RYR2: variants seen among roughly 807,000 people sequenced by gnomAD.
The protein encoded by RYR2 is cardiac muscle ryanodine receptor-calcium release channel.
Under a neutral mutation model 601.1 loss-of-function variants are expected in RYR2, and 227 were observed. The ratio of observed to expected loss-of-function variants is 0.38; its 90% CI spans 0.34 to 0.42. The LOEUF is 0.42. Ranked by LOEUF, RYR2 falls within the 10% of genes least tolerant of loss-of-function variation. The pLI is 1.00. For missense variants in RYR2, 4,646 were observed against 6,156.5 expected, an observed-to-expected ratio of 0.75 and a Z score of 8.21; for synonymous variants, 2,223 against 2,175.1, an observed-to-expected ratio of 1.02 and a Z score of -0.61.
intron 16 of RYR2, among the ~76,000 whole-genome samples, chr1:237,463,833 A>G (rs1303732600): frequency 6.6e-6 from 1 of 152,184 alleles, no homozygotes; most frequent in African/African-American, 2.4e-5. Flanking sequence ...GCTCTGAGAC[A>G]TCTCATAATG....
intron 6 of RYR2, among the ~76,000 whole-genome samples, chr1:237,371,458 G>T (rs948229483): frequency 6.6e-6 from 1 of 152,112 alleles, no homozygotes; most frequent in East Asian, 1.9e-4. Context: ...TGCCCGGCAT[G>T]ATTTTCTTTT....
At chr1:237,803,515 T>A (rs957089115) in intron 98 of RYR2, among the ~76,000 whole-genome samples, 6 of 152,066 alleles carry the variant, frequency 3.9e-5, no homozygotes, top group Admixed American at 6.5e-5. Flanking sequence ...TTAGCCAGGA[T>A]GGTCTCGATC....
chr1:237,094,436 G>A (rs1000266232), intron 1 of RYR2, among the ~76,000 whole-genome samples: 4 of 151,966 alleles, frequency 2.6e-5, no homozygotes, highest in South Asian at 4.1e-4. Context: ...TTTTTGGGAC[G>A]GGCAGGGAGG....
chr1:237,657,977 T>C lies in RYR2; in HGVS notation c.8163T>C (p.Ile2721=). ...TTCCTGAGAAATTGGAATACTTCATTAACAAATATGCAGAACACTCCCATG... is the reference window on the plus strand; with the variant it reads ...TTCCTGAGAAATTGGAATACTTCATCAACAAATATGCAGAACACTCCCATG... ...ITIPEKLEYF[I]NKYAEHSHDK... Residue 2721 remains isoleucine, a synonymous_variant, in exon 54 of 105, where the codon ATT becomes ATC. Transcript: ENST00000366574. 1 of 1,519,856 alleles carries C rather than the reference T, an allele frequency of 6.6e-7. No individual in the cohort carries two copies. Among genetic ancestry groups the C allele is most frequent in the South Asian group, 1.3e-5 (1 of 78,476 alleles). 94.1% of individuals were successfully genotyped at this position (1,519,856 alleles called of 1,614,324 possible). A position where few individuals can be genotyped will look rare whatever the true frequency, so the allele number is the denominator to read the frequency against.
chr1:237,599,086 A>G (rs190972954), intron 34 of RYR2, among the ~76,000 whole-genome samples: 1 of 152,332 alleles, frequency 6.6e-6, no homozygotes, highest in Admixed American at 6.5e-5. Context: ...ACTTATGAAG[A>G]AATAGAAAAT....
At chr1:237,398,676 T>G in intron 10 of RYR2, among the ~76,000 whole-genome samples, 1 of 152,170 alleles carries the variant, frequency 6.6e-6, no homozygotes, top group Non-Finnish European at 1.5e-5. Context: ...TGGAAAACAT[T>G]TTGGCAGTTT....
intron 1 of RYR2, among the ~76,000 whole-genome samples, chr1:237,186,727 T>A (rs1679379031): frequency 6.6e-6 from 1 of 152,196 alleles, no homozygotes; most frequent in Non-Finnish European, 1.5e-5. Context: ...AGAAATCCCA[T>A]CATCTTGATT....
At chr1:237,330,615 T>G (rs1027868238) in intron 2 of RYR2, among the ~76,000 whole-genome samples, 7 of 152,210 alleles carry the variant, frequency 4.6e-5, no homozygotes, top group African/African-American at 1.7e-4. Context: ...CTCAAACTCC[T>G]GACCTCAGGT....
At chr1:237,058,433 T>C (rs1662437368) in intron 1 of RYR2, among the ~76,000 whole-genome samples, 1 of 151,802 alleles carries the variant, frequency 6.6e-6, no homozygotes, top group Non-Finnish European at 1.5e-5. Context: ...TGCAAAGCAC[T>C]GTCTTTCAAA....
At chr1:237,218,760 T>C (rs1165525624) in intron 1 of RYR2, among the ~76,000 whole-genome samples, 1 of 152,016 alleles carries the variant, frequency 6.6e-6, no homozygotes, top group African/African-American at 2.4e-5. Context: ...AGGGTTGGGC[T>C]CCCCTCATAC....
At chr1:237,776,921 A>G (rs1694711242) in intron 87 of RYR2, among the ~76,000 whole-genome samples, 1 of 152,178 alleles carries the variant, frequency 6.6e-6, no homozygotes. Context: ...GGTGGCCCCC[A>G]TCCACCTTGG....
At chr1:237,760,069 T>C (rs1693291244) in intron 83 of RYR2, among the ~76,000 whole-genome samples, 1 of 151,736 alleles carries the variant, frequency 6.6e-6, no homozygotes, top group South Asian at 2.1e-4. Context: ...TGTCTTAAAA[T>C]AGCTTTCCCA....
intron 1 of RYR2, among the ~76,000 whole-genome samples, chr1:237,256,787 G>A (rs190975081): frequency 2.6e-5 from 4 of 152,228 alleles, no homozygotes; most frequent in Non-Finnish European, 5.9e-5. Context: ...AAGTGAGAAC[G>A]GTCGCTTTCT....
intron 24 of RYR2, among the ~76,000 whole-genome samples, chr1:237,513,656 C>T (rs1004840840): frequency 6.6e-6 from 1 of 152,178 alleles, no homozygotes; most frequent in African/African-American, 2.4e-5. Context: ...TATTTAGATA[C>T]CCAAATACTT....
intron 34 of RYR2, among the ~76,000 whole-genome samples, chr1:237,600,377 C>T (rs577392586): frequency 6.6e-6 from 1 of 152,240 alleles, no homozygotes; most frequent in South Asian, 2.1e-4. Context: ...ATAAATGGTA[C>T]AGGGAAAATT....
chr1:237,424,169 A>G (rs369443068), intron 12 of RYR2, among the ~76,000 whole-genome samples: 1 of 152,226 alleles, frequency 6.6e-6, no homozygotes, highest in Admixed American at 6.5e-5. Context: ...ACACAGAGCC[A>G]AACCATATCA....
chr1:237,104,492 A>C (rs1668455932), intron 1 of RYR2, among the ~76,000 whole-genome samples: 1 of 152,192 alleles, frequency 6.6e-6, no homozygotes, highest in Non-Finnish European at 1.5e-5. Flanking sequence ...ATGCTCCGGC[A>C]TGGTGAGTTG....
chr1:237,832,225 T>A (rs920082116), intron 104 of RYR2, among the ~76,000 whole-genome samples: 62 of 150,120 alleles, frequency 4.1e-4, no homozygotes, highest in Non-Finnish European at 6.8e-4. Flanking sequence ...TTTTTTTTTT[T>A]TAATTTTAGT....
chr1:237,685,066 G>A (rs1017597475), intron 62 of RYR2, among the ~76,000 whole-genome samples: 1 of 152,126 alleles, frequency 6.6e-6, no homozygotes, highest in African/African-American at 2.4e-5. Context: ...TAGGGGCATT[G>A]GTGAGCTGCA....
Sources: gnomAD v4.1 joint callset for allele counts (sites outside exome capture counted in the v4.1 genomes callset) on GRCh38, gnomAD v4.1.1 for gene constraint, MANE v1.5 for transcripts, NCBI Gene and HGNC (gene_info 2026-07-23, HGNC 2026-07-21) for gene names.